The following ARHGAP15 variants were observed in gnomAD, a reference collection of about 807,000 sequenced individuals.
ARHGAP15 encodes rho GTPase-activating protein 15.
ARHGAP15 carries 51 observed loss-of-function variants against 63.7 expected under a neutral mutation model. The observed-to-expected ratio is 0.80, with a 90% CI of 0.64 to 1.01. The LOEUF (loss-of-function observed/expected upper bound fraction) is 1.01. Ranked by LOEUF, ARHGAP15 falls within the 50% of genes least tolerant of loss-of-function variation. The pLI is 0.00. For synonymous variants in ARHGAP15, 191 were observed against 193.8 expected, an observed-to-expected ratio of 0.99 and a Z score of 0.12; for missense variants, 560 against 564.6, an observed-to-expected ratio of 0.99 and a Z score of 0.08.
chr2:143,403,054 A>G (rs1375231720), intron 6 of ARHGAP15, among the ~76,000 whole-genome samples: 1 of 151,926 alleles, frequency 6.6e-6, no homozygotes, highest in African/African-American at 2.4e-5. Flanking sequence ...ATGCTAAGCT[A>G]TACAAGTATA....
intron 6 of ARHGAP15, among the ~76,000 whole-genome samples, chr2:143,261,505 AT>A (rs35112145): frequency 0.18 from 25,360 of 141,828 alleles, 2,350 homozygotes; most frequent in South Asian, 0.35. Flanking sequence ...CACCCGGCTA[AT>A]TTTTTTTTTT....
At chr2:143,260,585 C>A (rs1376663346) in intron 6 of ARHGAP15, among the ~76,000 whole-genome samples, 1 of 152,034 alleles carries the variant, frequency 6.6e-6, no homozygotes, top group African/African-American at 2.4e-5. Flanking sequence ...TAACAAAGAA[C>A]CATTACACTA....
intron 12 of ARHGAP15, among the ~76,000 whole-genome samples, chr2:143,644,873 C>T (rs1680793364): frequency 6.6e-6 from 1 of 152,078 alleles, no homozygotes; most frequent in Non-Finnish European, 1.5e-5. Context: ...ATAGCACATA[C>T]TTTTATCTGA....
At chr2:143,574,631 A>G (rs192758668) in intron 11 of ARHGAP15, among the ~76,000 whole-genome samples, 5 of 152,308 alleles carry the variant, frequency 3.3e-5, no homozygotes, top group Admixed American at 2.6e-4. Context: ...TATGACGAGC[A>G]GGGAGTGTCC....
At chr2:143,475,300 T>G (rs1405789481) in intron 8 of ARHGAP15, among the ~76,000 whole-genome samples, 1 of 152,208 alleles carries the variant, frequency 6.6e-6, no homozygotes, top group African/African-American at 2.4e-5. Context: ...CCACTATCCC[T>G]GATCACTTAG....
intron 13 of ARHGAP15, among the ~76,000 whole-genome samples, chr2:143,712,981 C>G (rs948201043): frequency 7.9e-5 from 12 of 152,172 alleles, no homozygotes; most frequent in Non-Finnish European, 1.8e-4. Context: ...CCCCTAGCAC[C>G]GTGTCCTACA....
Position 143,519,356 on chromosome 2 carries a change from A to C in ARHGAP15, c.917A>C (p.Glu306Ala). 6.2e-7 allele frequency: 1 copy of C among 1,612,208 alleles called. No individual in the cohort carries two copies. Among genetic ancestry groups the C allele is most frequent in the Non-Finnish European group, 8.5e-7 (1 of 1,178,514 alleles). ...GTAAAGCAATGCATTGAAGCTGTTGAGAAAAGAGGTGGGTGACTGAATGTG... is the reference window on the plus strand; with the variant it reads ...GTAAAGCAATGCATTGAAGCTGTTGCGAAAAGAGGTGGGTGACTGAATGTG... ...WFVKQCIEAV[E>A]KRGLDVDGIY... Residue 306 changes from glutamate (E) to alanine (A), a missense_variant, in exon 10 of 14, where the codon GAG becomes GCG. Glu to Ala is a moderately radical substitution (Grantham distance 107). Coordinates refer to ENST00000295095, the MANE Select transcript of ARHGAP15 (RefSeq NM_018460.4).
intron 12 of ARHGAP15, among the ~76,000 whole-genome samples, chr2:143,638,537 G>A (rs1392157764): frequency 2.6e-4 from 37 of 141,712 alleles, no homozygotes; most frequent in Non-Finnish European, 3.5e-4. Flanking sequence ...GCATTGGGAG[G>A]TATACCTAAT....
At chr2:143,138,396 C>T (rs1689230882) in intron 1 of ARHGAP15, among the ~76,000 whole-genome samples, 1 of 151,898 alleles carries the variant, frequency 6.6e-6, no homozygotes, top group Non-Finnish European at 1.5e-5. Context: ...AATTTTGAAG[C>T]CTGTTAAGTG....
intron 12 of ARHGAP15, among the ~76,000 whole-genome samples, chr2:143,635,677 G>A (rs1314409214): frequency 6.6e-6 from 1 of 152,022 alleles, no homozygotes; most frequent in Admixed American, 6.6e-5. Flanking sequence ...TTGTCATGTG[G>A]TTTAGAGAAT....
At chr2:143,750,322 TC>T (rs1358947700) in intron 13 of ARHGAP15, among the ~76,000 whole-genome samples, 1 of 151,838 alleles carries the variant, frequency 6.6e-6, no homozygotes, top group Non-Finnish European at 1.5e-5. Context: ...ATGCCTATAA[TC>T]CCAGCCACTC....
At chr2:143,477,169 TAC>T (rs59876741) in intron 8 of ARHGAP15, among the ~76,000 whole-genome samples, 10,257 of 150,912 alleles carry the variant, frequency 0.068, 519 homozygotes, top group East Asian at 0.21. Flanking sequence ...CCAAATCATT[TAC>T]ACACACACAC....
At chr2:143,668,049 TAAA>T (rs558158911) in intron 12 of ARHGAP15, among the ~76,000 whole-genome samples, 5 of 148,748 alleles carry the variant, frequency 3.4e-5, no homozygotes, top group African/African-American at 7.4e-5. Context: ...GAGAAACATT[TAAA>T]AAAAAAAGTT....
intron 11 of ARHGAP15, among the ~76,000 whole-genome samples, chr2:143,599,530 C>A (rs1697678133): frequency 6.6e-6 from 1 of 151,932 alleles, no homozygotes; most frequent in Admixed American, 6.6e-5. Context: ...AGACCCCTAC[C>A]CCCGCCATCT....
Position 143,155,642 on chromosome 2 carries a change from A to T in ARHGAP15, c.152A>T (p.Lys51Met). 1 of 1,572,542 alleles carries T rather than the reference A, an allele frequency of 6.4e-7. No individual in the cohort carries two copies. Among genetic ancestry groups the T allele is most frequent in the South Asian group, 1.2e-5 (1 of 83,566 alleles). ...SKSMILTDVG[K>M]VTEPISRHRR... ...TCCATGATCCTCACCGATGTCGGGA[A>T]GGTCACTGAACCTGTAAGTCAAATA... Residue 51 changes from lysine to methionine, a missense_variant, in exon 2 of 14, where the codon AAG (lysine) becomes ATG (methionine). By Grantham distance (95) the Lys-to-Met change is moderately conservative. Transcript: ENST00000295095.
intron 2 of ARHGAP15, among the ~76,000 whole-genome samples, chr2:143,184,499 G>C (rs1331129628): frequency 6.6e-6 from 1 of 152,130 alleles, no homozygotes; most frequent in Non-Finnish European, 1.5e-5. Context: ...AGGAAACATT[G>C]TGTATTAGTA....
At chr2:143,293,936 AAT>A (rs764215759) in intron 6 of ARHGAP15, among the ~76,000 whole-genome samples, 1 of 152,058 alleles carries the variant, frequency 6.6e-6, no homozygotes, top group African/African-American at 2.4e-5. Flanking sequence ...ATCAAGGATA[AAT>A]ATTTGAATTA....
intron 11 of ARHGAP15, among the ~76,000 whole-genome samples, chr2:143,590,806 T>C (rs1697290042): frequency 6.6e-6 from 1 of 152,224 alleles, no homozygotes. Context: ...TGGATATTTG[T>C]TATTGAATGT....
At chr2:143,679,646 CGTGT>C (rs537645674) in intron 12 of ARHGAP15, among the ~76,000 whole-genome samples, 6,117 of 38,296 alleles carry the variant, frequency 0.16, 153 homozygotes, top group East Asian at 0.45. Context: ...TGAGGGGGTG[CGTGT>C]GTGCGTGTGT....
Sources: gnomAD v4.1 joint callset for allele counts (sites outside exome capture counted in the v4.1 genomes callset) on GRCh38, gnomAD v4.1.1 for gene constraint, MANE v1.5 for transcripts, NCBI Gene and HGNC (gene_info 2026-07-23, HGNC 2026-07-21) for gene names.